AKAP12: variants seen among roughly 807,000 people sequenced by gnomAD.
AKAP12 encodes the protein A-kinase anchoring protein 12.
A neutral mutation model predicts 79.9 loss-of-function variants in AKAP12; 32 were observed. That is an observed-to-expected ratio of 0.40 (90% CI 0.30 to 0.54). AKAP12 has a LOEUF of 0.54. AKAP12 is among the 20% of genes least tolerant of loss of function. The pLI, the probability that AKAP12 is intolerant of heterozygous loss-of-function variation, is 0.48. For synonymous variants in AKAP12, 808 were observed against 857.0 expected (o/e 0.94, Z 1.00); for missense variants, 2,074 against 2,177.0 (o/e 0.95, Z 0.94).
intron 2 of AKAP12, among the ~76,000 whole-genome samples, chr6:151,282,939 T>G (rs1309010141): frequency 6.6e-6 from 1 of 152,256 alleles, no homozygotes; most frequent in Non-Finnish European, 1.5e-5. Flanking sequence ...AAGCTCTTGC[T>G]AATTTCCCAC....
intron 3 of AKAP12, among the ~76,000 whole-genome samples, chr6:151,348,168 A>G (rs545441907): frequency 6.0e-4 from 91 of 151,516 alleles, no homozygotes; most frequent in African/African-American, 2.2e-3. Context: ...AAACAAACAA[A>G]AAAAACAAAT....
chr6:151,292,605 T>A (rs573528160), intron 2 of AKAP12, among the ~76,000 whole-genome samples: 1 of 152,366 alleles, frequency 6.6e-6, no homozygotes, highest in South Asian at 2.1e-4. Flanking sequence ...GAACTGCAGA[T>A]ACGGAAGGCT....
chr6:151,332,039 T>TTGTTTTTTG (rs1562743243), intron 3 of AKAP12, among the ~76,000 whole-genome samples: 9 of 138,282 alleles, frequency 6.5e-5, no homozygotes, highest in African/African-American at 2.5e-4. Flanking sequence ...GTCTGTTTTT[T>TTGTTTTTTG]TTTTTTTTTT....
intron 2 of AKAP12, among the ~76,000 whole-genome samples, chr6:151,256,125 A>G (rs2114691523): frequency 6.6e-6 from 1 of 152,306 alleles, no homozygotes; most frequent in African/African-American, 2.4e-5. Context: ...GATGCACGAG[A>G]GAAAGAACCA....
intron 3 of AKAP12, among the ~76,000 whole-genome samples, chr6:151,335,784 G>A (rs1338603990): frequency 2.0e-5 from 3 of 151,968 alleles, no homozygotes; most frequent in South Asian, 2.1e-4. Context: ...CTTATTTTTC[G>A]TTTAGATTCA....
rs541111050 is a variant in AKAP12 at position 151,325,204 on chromosome 6, A to G, written c.319+19301A>G. On this transcript the variant is annotated intron_variant, in intron 3 of 4. Transcript: ENST00000402676. ...TAAGACACAGATGGTGAAAATATCA[A>G]ATGCTACAGATGCCAAGAAGGGAGG... 90 of 985,412 alleles carry G rather than the reference A, an allele frequency of 9.1e-5. No individual in the cohort carries two copies. In the African/African-American group the frequency reaches 1.5e-3, roughly 16 times the overall value. 61.0% of individuals were successfully genotyped at this position (985,412 alleles called of 1,614,324 possible).
At chr6:151,345,468 C>CTTTT (rs71990634) in intron 3 of AKAP12, among the ~76,000 whole-genome samples, 102,775 of 151,144 alleles carry the variant, frequency 0.68, 35,450 homozygotes, top group Non-Finnish European at 0.74. Context: ...TTTAATTGAC[C>CTTTT]TGTTTAGTAC....
rs145378446 is a variant in AKAP12, at chr6:151,316,527, CCTCT to C, written c.319+10629_319+10632del. Among the ~76,000 whole-genome samples the C allele has an allele frequency of 2.8e-3, 434 of 152,296 alleles. 1 individual carries two copies. Among genetic ancestry groups the C allele is most frequent in the African/African-American group, 0.01 (416 of 41,538 alleles). On this transcript the variant is annotated intron_variant, in intron 3 of 4. Coordinates refer to ENST00000402676, the MANE Select transcript of AKAP12 (RefSeq NM_005100.4). ...GTTGCAGGTTTGGTTCCTCCTGAGG[CCTCT>C]CTCTTTTGCTCGCAGACGGCCGCCT...
At chr6:151,263,069 A>G (rs1446440468) in intron 2 of AKAP12, among the ~76,000 whole-genome samples, 1 of 151,876 alleles carries the variant, frequency 6.6e-6, no homozygotes, top group South Asian at 2.1e-4. Flanking sequence ...GATGGGTGTC[A>G]CTCTTGCCCA....
chr6:151,258,828 A>G (rs183476736), intron 2 of AKAP12, among the ~76,000 whole-genome samples: 1 of 151,702 alleles, frequency 6.6e-6, no homozygotes, highest in Non-Finnish European at 1.5e-5. Context: ...GGGTTTCACC[A>G]TGTTAGTCAG....
chr6:151,271,960 CAACGTT>C (rs1436510227), intron 2 of AKAP12, among the ~76,000 whole-genome samples: 1 of 152,104 alleles, frequency 6.6e-6, no homozygotes, highest in Non-Finnish European at 1.5e-5. Context: ...ACACCCAGCC[CAACGTT>C]AATTTAATGA....
At chr6:151,330,542 C>T (rs1173126707) in intron 3 of AKAP12, among the ~76,000 whole-genome samples, 9 of 151,982 alleles carry the variant, frequency 5.9e-5, no homozygotes, top group African/African-American at 1.9e-4. Context: ...TACTGTAAGC[C>T]GTCCTGATGT....
chr6:151,283,708 CAGAGACAGAATTCAGTAT>C (rs1487373874), intron 2 of AKAP12, among the ~76,000 whole-genome samples: 2 of 152,178 alleles, frequency 1.3e-5, no homozygotes, highest in African/African-American at 4.8e-5. Context: ...GAGGGAGAGA[CAGAGACAGAATTCAGTAT>C]AAAGACAGAA....
intron 3 of AKAP12, among the ~76,000 whole-genome samples, chr6:151,308,878 G>A (rs1003713069): frequency 6.6e-6 from 1 of 151,886 alleles, no homozygotes; most frequent in African/African-American, 2.4e-5. Context: ...TTAGGTTTTT[G>A]TTTAGTTTTG....
At chr6:151,256,637 T>A (rs1797303283) in intron 2 of AKAP12, among the ~76,000 whole-genome samples, 1 of 151,936 alleles carries the variant, frequency 6.6e-6, no homozygotes, top group African/African-American at 2.4e-5. Context: ...CATGTATAAA[T>A]TTTATTTTAT....
intron 3 of AKAP12, among the ~76,000 whole-genome samples, chr6:151,317,306 C>T (rs1219846966): frequency 6.6e-6 from 1 of 152,212 alleles, no homozygotes; most frequent in East Asian, 1.9e-4. Context: ...CTTCTCTGTT[C>T]CCAGGGCTGC....
At chr6:151,316,372 G>C (rs1219205891) in intron 3 of AKAP12, among the ~76,000 whole-genome samples, 1 of 152,162 alleles carries the variant, frequency 6.6e-6, no homozygotes, top group Non-Finnish European at 1.5e-5. Context: ...TAGACCAACC[G>C]CAGGCATAAG....
chr6:151,354,993 CTTTT>C (rs1321037537), intron 4 of AKAP12, among the ~76,000 whole-genome samples: 2 of 151,542 alleles, frequency 1.3e-5, no homozygotes, highest in Non-Finnish European at 2.9e-5. Context: ...TCTTCGTTTT[CTTTT>C]GTTTTGTTTT....
At chr6:151,335,579 C>T (rs1450525604) in intron 3 of AKAP12, among the ~76,000 whole-genome samples, 1 of 152,178 alleles carries the variant, frequency 6.6e-6, no homozygotes, top group Non-Finnish European at 1.5e-5. Context: ...TCAAGCAATC[C>T]TCCTGCCTCA....
Sources: gnomAD v4.1 joint callset for allele counts (sites outside exome capture counted in the v4.1 genomes callset) on GRCh38, gnomAD v4.1.1 for gene constraint, MANE v1.5 for transcripts, NCBI Gene and HGNC (gene_info 2026-07-23, HGNC 2026-07-21) for gene names.